The following TOM1 variants were observed in gnomAD, a reference collection of about 807,000 sequenced individuals.
TOM1 encodes target of Myb protein 1.
Under a neutral mutation model 61.3 loss-of-function variants are expected in TOM1, and 38 were observed. The observed-to-expected ratio is 0.62, with a 90% CI of 0.48 to 0.81. The LOEUF (loss-of-function observed/expected upper bound fraction) is 0.81. TOM1 is among the 40% of genes least tolerant of loss of function. The probability of loss-of-function intolerance (pLI) is 0.00; values close to 1 mark genes in which losing one functional copy is unlikely to be tolerated. For synonymous variants in TOM1, 270 were observed against 268.8 expected (o/e 1.00, Z -0.04); for missense variants, 591 against 659.6 (o/e 0.90, Z 1.14).
At chr22:35,325,173 C>T (rs1286551125) in intron 6 of TOM1, among the ~76,000 whole-genome samples, 3 of 152,214 alleles carry the variant, frequency 2.0e-5, no homozygotes, top group African/African-American at 4.8e-5. Flanking sequence ...ATCACATCCG[C>T]GGAGCGTAAA....
chr22:35,300,066 C>A, intron 1 of TOM1, 86 bp downstream of exon 1: 1 of 1,480,354 alleles, frequency 6.8e-7, no homozygotes, highest in South Asian at 1.2e-5. Flanking sequence ...TGCCTAGTCA[C>A]GGAGGCAGGG....
intron 1 of TOM1, among the ~76,000 whole-genome samples, 189 bp from the exon 2 acceptor site, chr22:35,317,688 A>T (rs1389747363): frequency 5.3e-5 from 8 of 151,970 alleles, no homozygotes; most frequent in African/African-American, 1.9e-4. Context: ...GGCTACAAGA[A>T]TCTAGTGACG....
At chr22:35,304,208 C>T (rs891841033) in intron 1 of TOM1, among the ~76,000 whole-genome samples, 9 of 152,096 alleles carry the variant, frequency 5.9e-5, no homozygotes, top group Admixed American at 4.6e-4. Flanking sequence ...CTCGAGCTGC[C>T]CAGTGCTTCT....
At chr22:35,325,024 G>A (rs998225763) in intron 6 of TOM1, among the ~76,000 whole-genome samples, 2 of 151,994 alleles carry the variant, frequency 1.3e-5, no homozygotes, top group African/African-American at 4.8e-5. Flanking sequence ...TGCTGTATCT[G>A]CTGAGTGACT....
At chr22:35,314,007 G>A (rs1032597837) in intron 1 of TOM1, among the ~76,000 whole-genome samples, 60 of 152,250 alleles carry the variant, frequency 3.9e-4, no homozygotes, top group African/African-American at 1.4e-3. Context: ...TCTTAAAATA[G>A]CAAGCTGAAT....
chr22:35,335,774 T>C (rs56264523), intron 11 of TOM1: 2,119 of 154,984 alleles, frequency 0.014, 43 homozygotes, highest in African/African-American at 0.048. Flanking sequence ...TGTGAAGGGC[T>C]AAGTGCTGTC....
rs750107231 is a variant in TOM1, at chr22:35,347,489, AGGCT to A, written c.*298_*301del. ...TGCTGAGAAGTGGAGGCCCCAGGAC[AGGCT>A]GGCTGGCTGGCTGGCTGCTTGACCC... On this transcript the variant is annotated 3_prime_UTR_variant, in exon 15 of 15. Transcript: ENST00000449058. 2.8e-4 allele frequency: 94 copies of A among 331,462 alleles called. No homozygotes were observed. The highest frequency in any genetic ancestry group is 8.2e-4 in the East Asian group (15 of 18,218). 20.5% of individuals were successfully genotyped at this position (331,462 alleles called of 1,614,324 possible). A position where few individuals can be genotyped will look rare whatever the true frequency, so the allele number is the denominator to read the frequency against.
At chr22:35,327,233 C>T (rs868763301) in intron 6 of TOM1, 38 bp from the exon 7 acceptor site, 1 of 1,593,690 alleles carries the variant, frequency 6.3e-7, no homozygotes, top group African/African-American at 1.3e-5. Context: ...GGCCCCAGAA[C>T]CCTGGCTTCT....
At position 35,334,441 on chromosome 22, in the gene TOM1, C is replaced by T. The variant is rs780135917; in HGVS notation, c.1141C>T (p.Arg381Trp). ...LTRGSSLADQRKEVKYEAPQA... is the reference protein window; with the variant it reads ...LTRGSSLADQWKEVKYEAPQA... Reference sequence around the variant, plus strand: ...ACGGGGCAGCTCACTGGCTGACCAACGGAAAGAGTGAGTGGCCTGGCCCTG... The same window carrying T: ...ACGGGGCAGCTCACTGGCTGACCAATGGAAAGAGTGAGTGGCCTGGCCCTG... Residue 381 changes from arginine to tryptophan, a missense_variant, in exon 11 of 15, where the codon CGG becomes TGG. By Grantham distance (101) the Arg-to-Trp change is moderately radical (BLOSUM62 -3). Transcript: ENST00000449058. 18 of 1,613,856 alleles carry T rather than the reference C, an allele frequency of 1.1e-5. No homozygotes were observed. Among genetic ancestry groups the T allele is most frequent in the South Asian group, 2.2e-5 (2 of 91,068 alleles).
intron 12 of TOM1, among the ~76,000 whole-genome samples, chr22:35,340,936 G>T (rs1165405872): frequency 2.0e-5 from 3 of 152,210 alleles, no homozygotes; most frequent in Admixed American, 6.5e-5. Context: ...GCCTCTCGTG[G>T]ACAGAGGTTG....
At chr22:35,303,790 G>A (rs1032988458) in intron 1 of TOM1, among the ~76,000 whole-genome samples, 3 of 152,014 alleles carry the variant, frequency 2.0e-5, no homozygotes, top group African/African-American at 7.2e-5. Flanking sequence ...GAGCCACCAC[G>A]CTTGGCTTAT....
intron 1 of TOM1, among the ~76,000 whole-genome samples, chr22:35,308,087 C>A (rs13057416): frequency 0.025 from 3,824 of 152,248 alleles, 65 homozygotes; most frequent in Non-Finnish European, 0.038. Flanking sequence ...AGCAGGCTCC[C>A]CTTGTCCTTG....
intron 2 of TOM1, among the ~76,000 whole-genome samples, chr22:35,321,518 C>T (rs573743820): frequency 1.3e-5 from 2 of 152,234 alleles, no homozygotes; most frequent in East Asian, 1.9e-4. Flanking sequence ...CCCGCCTCAA[C>T]CTCCCAAGTA....
intron 6 of TOM1, among the ~76,000 whole-genome samples, chr22:35,325,252 T>C (rs1928209693): frequency 6.6e-6 from 1 of 152,228 alleles, no homozygotes; most frequent in African/African-American, 2.4e-5. Context: ...GAAGCTTAAC[T>C]TTCCCAATAA....
In TOM1 at chr22:35,323,203, C is replaced by G. The variant is rs538691963; in HGVS notation, c.366+26C>G. 1 of 1,610,650 alleles carries G rather than the reference C, an allele frequency of 6.2e-7. No individual in the cohort carries two copies. The highest frequency in any genetic ancestry group is 8.5e-7 in the Non-Finnish European group (1 of 1,179,724). On this transcript the variant is annotated intron_variant, in intron 4 of 14. Coordinates refer to ENST00000449058, the MANE Select transcript of TOM1 (RefSeq NM_005488.3). This position sits in a 1 kb window ranked among gnomAD's most constrained non-coding sequence, Gnocchi z 4.2. ...GTGAGTGCCAGGACAGGGCAGGGCA[C>G]GGCCAGGAAGAGCTGTCAGTGCAGG...
chr22:35,315,507 T>C (rs926448226), intron 1 of TOM1, among the ~76,000 whole-genome samples: 1 of 152,114 alleles, frequency 6.6e-6, no homozygotes, highest in African/African-American at 2.4e-5. Context: ...GGCAGGGGTG[T>C]GGTACAAAGA....
intron 7 of TOM1, among the ~76,000 whole-genome samples, chr22:35,330,121 T>G (rs1222704739): frequency 6.7e-6 from 1 of 149,416 alleles, no homozygotes; most frequent in African/African-American, 2.5e-5. Context: ...CTACTAAAAC[T>G]ACAAAAAAAA....
upstream of TOM1, chr22:35,299,769 A>C: frequency 1.3e-6 from 1 of 775,550 alleles, no homozygotes; most frequent in East Asian, 2.8e-5. Context: ...CGGGGGCGGG[A>C]CCCTGGCGTC....
chr22:35,331,214 G>A (rs932113215), intron 8 of TOM1: 1 of 404,982 alleles, frequency 2.5e-6, no homozygotes, highest in Admixed American at 2.8e-5. Context: ...TCCCACCTCA[G>A]CCTGCCAGGT....
Sources: gnomAD v4.1 joint callset for allele counts (sites outside exome capture counted in the v4.1 genomes callset) on GRCh38, gnomAD v4.1.1 for gene constraint, Gnocchi (gnomAD v3.1) non-coding constraint, MANE v1.5 for transcripts, NCBI Gene and HGNC (gene_info 2026-07-23, HGNC 2026-07-21) for gene names.